Variants in PMM2 observed in about 807,000 individuals in gnomAD.
PMM2 encodes the protein mannose-6-phosphate isomerase.
PMM2 carries 35 observed loss-of-function variants against 33.2 expected under a neutral mutation model. The ratio of observed to expected loss-of-function variants is 1.06; its 90% CI spans 0.81 to 1.40. The LOEUF (loss-of-function observed/expected upper bound fraction) is 1.40, where lower values mean the gene tolerates loss of function less well. PMM2 is among the 40% of genes most tolerant of loss of function. The pLI is 0.00. For synonymous variants in PMM2, 153 were observed against 114.7 expected (o/e 1.33, Z -2.13); for missense variants, 386 against 306.0 (o/e 1.26, Z -1.95).
At chr16:8,837,031 G>A (rs1426325957) in intron 7 of PMM2, among the ~76,000 whole-genome samples, 1 of 152,028 alleles carries the variant, frequency 6.6e-6, no homozygotes, top group East Asian at 1.9e-4. Flanking sequence ...CGGAGGCTGA[G>A]GAAGAATTGG....
intron 2 of PMM2, among the ~76,000 whole-genome samples, chr16:8,803,757 C>T (rs1391304182): frequency 1.3e-5 from 2 of 151,954 alleles, no homozygotes; most frequent in Non-Finnish European, 2.9e-5. Context: ...AATCTTGGCT[C>T]ACTGTAACCT....
Position 8,847,835 on chromosome 16 carries a change from G to T in PMM2, c.*10G>T. ...ACTGCTGTTCTCCTAACGTGGGAGCGGGAGGGGCGGGGTCCCGGCTGACAA... is the reference window on the plus strand; with the variant it reads ...ACTGCTGTTCTCCTAACGTGGGAGCTGGAGGGGCGGGGTCCCGGCTGACAA... On this transcript the variant is annotated 3_prime_UTR_variant, in exon 8 of 8. Coordinates refer to ENST00000268261, the MANE Select transcript of PMM2 (RefSeq NM_000303.3). 2 of 1,596,962 alleles carry T rather than the reference G, an allele frequency of 1.3e-6. No homozygotes were observed. The highest frequency in any genetic ancestry group is 1.7e-6 in the Non-Finnish European group (2 of 1,165,842).
At chr16:8,804,739 C>A (rs771708951) in intron 2 of PMM2, 28 bp from the exon 3 acceptor site, 3 of 1,514,894 alleles carry the variant, frequency 2.0e-6, no homozygotes, top group Non-Finnish European at 2.8e-6. Flanking sequence ...TCTTTGCATT[C>A]TAAGTGTTTT....
intron 4 of PMM2, chr16:8,809,613 C>G (rs1249847326): frequency 6.6e-6 from 1 of 151,874 alleles, no homozygotes; most frequent in African/African-American, 2.4e-5. Context: ...CTACCATGTC[C>G]CGCTAATTTT....
Position 8,811,639 on chromosome 16 carries a change from A to G in PMM2, c.449A>G (p.Lys150Arg). The G allele has an allele frequency of 6.2e-7, 1 of 1,607,360 alleles. No individual in the cohort carries two copies. The highest frequency in any genetic ancestry group is 2.2e-5 in the East Asian group (1 of 44,874). Reference protein sequence around the residue: ...ERIEFYELDKKENIRQKFVAD... With the variant: ...ERIEFYELDKRENIRQKFVAD... ...TTGGTATCTTTTTGTTTTTCTCAGA[A>G]AGAAAATATAAGACAAAAGTTTGTA... Residue 150 changes from lysine (K) to arginine (R), a missense_variant and splice_region_variant, in exon 6 of 8, where the codon AAA becomes AGA. Physicochemically the swap from Lys to Arg is conservative, Grantham distance 26. Coordinates refer to ENST00000268261, the MANE Select transcript of PMM2 (RefSeq NM_000303.3).
At chr16:8,798,002 C>T in intron 1 of PMM2, 54 bp downstream of exon 1, 3 of 1,536,212 alleles carry the variant, frequency 2.0e-6, no homozygotes, top group Non-Finnish European at 2.6e-6. Context: ...GTGCTGTTCC[C>T]AGTTGGGGCT....
At chr16:8,832,589 C>T in intron 7 of PMM2, 2 of 985,450 alleles carry the variant, frequency 2.0e-6, no homozygotes, top group Non-Finnish European at 2.4e-6. Flanking sequence ...GGGGTCTCTT[C>T]CCAGGTAATG....
intron 1 of PMM2, among the ~76,000 whole-genome samples, 175 bp from the exon 2 acceptor site, chr16:8,801,623 GA>G: frequency 6.6e-6 from 1 of 152,286 alleles, no homozygotes; most frequent in South Asian, 2.1e-4. Flanking sequence ...GATGAGCTAT[GA>G]CCATGCCACT....
At chr16:8,829,608 G>C (rs367937679) in intron 7 of PMM2, among the ~76,000 whole-genome samples, 2 of 152,190 alleles carry the variant, frequency 1.3e-5, no homozygotes, top group African/African-American at 4.8e-5. Flanking sequence ...TGTCATCTTT[G>C]ATCCACTCCA....
Position 8,806,852 on chromosome 16 carries a change from CAGAA to C in PMM2, c.347+447_347+450del, listed in dbSNP as rs1453301231. ...GTGAAGCAGCATGTACAAAAAGCAACAGAAACCCTAGATCGGGAAGTCTGAGACA... is the reference window on the plus strand; with the variant it reads ...GTGAAGCAGCATGTACAAAAAGCAACACCCTAGATCGGGAAGTCTGAGACA... On this transcript the variant is annotated intron_variant, in intron 4 of 7. Coordinates refer to ENST00000268261, the MANE Select transcript of PMM2 (RefSeq NM_000303.3). 3.1e-5 allele frequency: 6 copies of C among 191,452 alleles called. No individual in the cohort carries two copies. The East Asian group carries it at 7.8e-4, about 25-fold the overall frequency. 11.9% of individuals were successfully genotyped at this position (191,452 alleles called of 1,614,324 possible).
chr16:8,822,519 G>T (rs1384121153), intron 7 of PMM2, among the ~76,000 whole-genome samples: 1 of 152,202 alleles, frequency 6.6e-6, no homozygotes, highest in Admixed American at 6.5e-5. Flanking sequence ...AGTTTGGTCT[G>T]CATCCAGGAA....
Position 8,797,840 on chromosome 16 carries a change from T to C in PMM2, c.-43T>C, listed in dbSNP as rs909260326. ...ACCCGGAAGTTCCGGGCCGAGTTCCTCGTGCCAACGTGTCTTGTAAGGTGC... is the reference window on the plus strand; with the variant it reads ...ACCCGGAAGTTCCGGGCCGAGTTCCCCGTGCCAACGTGTCTTGTAAGGTGC... On this transcript the variant is annotated 5_prime_UTR_variant, in exon 1 of 8. Coordinates refer to ENST00000268261, the MANE Select transcript of PMM2 (RefSeq NM_000303.3). The C allele has an allele frequency of 1.3e-6, 2 of 1,599,460 alleles. No homozygotes were observed. The highest frequency in any genetic ancestry group is 1.7e-6 in the Non-Finnish European group (2 of 1,172,336).
In PMM2 at chr16:8,806,425, A is replaced by G. The variant is rs996394940; in HGVS notation, c.347+18A>G. The G allele has an allele frequency of 6.7e-7, 1 of 1,495,648 alleles. No homozygotes were observed. Among genetic ancestry groups the G allele is most frequent in the African/African-American group, 1.4e-5 (1 of 72,708 alleles). 92.6% of individuals were successfully genotyped at this position (1,495,648 alleles called of 1,614,324 possible). ...AAGAAGAGGTGGGTTTGCTTTTAAC[A>G]AAGAGGCGTCACAGGAACATAGCGT... On this transcript the variant is annotated intron_variant, in intron 4 of 7. Transcript: ENST00000268261.
chr16:8,838,051 G>A (rs1053644673), intron 7 of PMM2, among the ~76,000 whole-genome samples: 8 of 152,072 alleles, frequency 5.3e-5, no homozygotes, highest in Non-Finnish European at 8.8e-5. Flanking sequence ...GGGTGCAGGC[G>A]GGCTGAGTCC....
chr16:8,805,378 G>T (rs8055104), intron 3 of PMM2, among the ~76,000 whole-genome samples: 140,358 of 152,174 alleles, frequency 0.92, 64,977 homozygotes, highest in East Asian at 0.97. Flanking sequence ...TTTTCTTCTT[G>T]TTTTAAAAAG....
At chr16:8,833,031 G>C (rs187946764) in intron 7 of PMM2, 464 of 444,358 alleles carry the variant, frequency 1.0e-3, no homozygotes, top group East Asian at 4.0e-3. Flanking sequence ...AATGCCTGGC[G>C]GGTAGAGGGT....
At chr16:8,813,331 C>A (rs565499852) in intron 7 of PMM2, among the ~76,000 whole-genome samples, 5 of 152,176 alleles carry the variant, frequency 3.3e-5, no homozygotes, top group African/African-American at 1.2e-4. Context: ...GTTAGTTGAA[C>A]CTTTTCACCT....
At chr16:8,798,652 G>A (rs542538254) in intron 1 of PMM2, among the ~76,000 whole-genome samples, 2 of 152,162 alleles carry the variant, frequency 1.3e-5, no homozygotes, top group Non-Finnish European at 2.9e-5. Flanking sequence ...GCCTCTTTGG[G>A]CCCTTGGAAA....
At chr16:8,832,629 T>G (rs2060817390) in intron 7 of PMM2, 1 of 985,312 alleles carries the variant, frequency 1.0e-6, no homozygotes, top group Admixed American at 6.1e-5. Context: ...CCTGGCCGGC[T>G]GCAGGAGCCT....
Sources: allele counts gnomAD v4.1 joint callset (sites outside exome capture counted in the v4.1 genomes callset), GRCh38; gene constraint gnomAD v4.1.1; transcripts MANE v1.5; gene names NCBI Gene and HGNC (gene_info 2026-07-23, HGNC 2026-07-21).